Variants in CRACD observed in about 807,000 individuals in gnomAD.
CRACD encodes capping protein-inhibiting regulator of actin dynamics.
CRACD carries 56 observed loss-of-function variants against 106.8 expected under a neutral mutation model. The observed-to-expected ratio is 0.52, with a 90% confidence interval of 0.42 to 0.66. The LOEUF (loss-of-function observed/expected upper bound fraction) is 0.66. Ranked by LOEUF, CRACD falls within the 30% of genes least tolerant of loss-of-function variation. The probability of loss-of-function intolerance (pLI) is 0.00; values close to 1 mark genes in which losing one functional copy is unlikely to be tolerated. For synonymous variants in CRACD, 754 were observed against 670.8 expected (o/e 1.12, Z -1.92); for missense variants, 1,730 against 1,623.2 (o/e 1.07, Z -1.13).
chr4:56,325,180 CA>C (rs1294652116), intron 10 of CRACD, among the ~76,000 whole-genome samples: 1 of 151,914 alleles, frequency 6.6e-6, no homozygotes, highest in Admixed American at 6.6e-5. Flanking sequence ...ACTAAAAATA[CA>C]AAAATTAGCC....
At chr4:56,162,265 G>C (rs949490397) in intron 1 of CRACD, among the ~76,000 whole-genome samples, 1 of 152,012 alleles carries the variant, frequency 6.6e-6, no homozygotes, top group African/African-American at 2.4e-5. Context: ...TACAATCATA[G>C]CTCACTGTAA....
chr4:56,051,165 C>A (rs1345856109), intron 1 of CRACD, among the ~76,000 whole-genome samples: 1 of 152,102 alleles, frequency 6.6e-6, no homozygotes, highest in East Asian at 1.9e-4. Flanking sequence ...TCTGATCTGG[C>A]ACACAGTAGG....
At chr4:56,188,919 C>T (rs183085411) in intron 2 of CRACD, among the ~76,000 whole-genome samples, 2 of 152,214 alleles carry the variant, frequency 1.3e-5, no homozygotes, top group East Asian at 3.9e-4. Context: ...CGCCTGTAAT[C>T]CCAGTACTTC....
chr4:56,298,135 C>A, intron 3 of CRACD, 79 bp from the exon 4 acceptor site: 1 of 1,473,168 alleles, frequency 6.8e-7, no homozygotes. Flanking sequence ...TGGAGTCCCT[C>A]CAATCAGGAA....
At chr4:56,068,004 G>A (rs1732519785) in intron 1 of CRACD, among the ~76,000 whole-genome samples, 1 of 152,112 alleles carries the variant, frequency 6.6e-6, no homozygotes, top group Non-Finnish European at 1.5e-5. Flanking sequence ...CCCTCGTGGA[G>A]CTCACATTCC....
intron 1 of CRACD, among the ~76,000 whole-genome samples, chr4:56,155,649 G>A (rs542167243): frequency 1.3e-5 from 2 of 152,264 alleles, no homozygotes; most frequent in East Asian, 1.9e-4. Context: ...TCAAACCTAC[G>A]CTGTCTAGCT....
chr4:56,322,224 T>C (rs1384600458), intron 8 of CRACD, among the ~76,000 whole-genome samples: 1 of 152,240 alleles, frequency 6.6e-6, no homozygotes, highest in South Asian at 2.1e-4. Flanking sequence ...AGAACTGTTG[T>C]AAATGTTCTG....
intron 1 of CRACD, among the ~76,000 whole-genome samples, chr4:56,104,338 G>C (rs1733874380): frequency 6.6e-6 from 1 of 152,178 alleles, no homozygotes; most frequent in Non-Finnish European, 1.5e-5. Context: ...AGCCTTCAGT[G>C]AGCCATGATT....
chr4:56,283,775 G>C (rs1031935054), intron 3 of CRACD, among the ~76,000 whole-genome samples: 7 of 152,170 alleles, frequency 4.6e-5, no homozygotes, highest in Admixed American at 1.3e-4. Flanking sequence ...TGTACTTCTA[G>C]TACATTTTCT....
In CRACD at chr4:56,313,374, G is replaced by T. The variant is rs1331541501; in HGVS notation, c.532G>T (p.Ala178Ser). ...QRVSKKHRRL[A>S]QDPQHEQGGL... ...GGTGTCAAAGAAGCACAGGCGCCTT[G>T]CCCAGGTGTGTAGAGCCTGCACGGG... Residue 178 changes from alanine (A) to serine (S), a missense_variant, in exon 7 of 11, where the codon GCC (alanine) becomes TCC (serine). By Grantham distance (99) the Ala-to-Ser change is moderately conservative. Transcript: ENST00000682029. 3.1e-6 allele frequency: 5 copies of T among 1,613,168 alleles called. No homozygotes were observed. In the East Asian group the frequency reaches 8.9e-5, roughly 29 times the overall value.
At chr4:56,230,146 A>T (rs1408968670) in intron 2 of CRACD, among the ~76,000 whole-genome samples, 1 of 152,148 alleles carries the variant, frequency 6.6e-6, no homozygotes, top group African/African-American at 2.4e-5. Flanking sequence ...TCTTCAGTAT[A>T]GGTCTTCTTC....
chr4:56,194,943 CTG>C (rs1737536578), intron 2 of CRACD, among the ~76,000 whole-genome samples: 1 of 152,064 alleles, frequency 6.6e-6, no homozygotes, highest in African/African-American at 2.4e-5. Context: ...TATGTGGAGA[CTG>C]TGTTGTCACA....
intron 2 of CRACD, among the ~76,000 whole-genome samples, chr4:56,188,659 T>TCTCTC (rs1553908639): frequency 2.4e-5 from 2 of 83,774 alleles, no homozygotes; most frequent in Non-Finnish European, 4.6e-5. Flanking sequence ...ATCTCTCTAT[T>TCTCTC]TCTCTCTCTC....
chr4:56,100,296 A>G (rs1410422962), intron 1 of CRACD, among the ~76,000 whole-genome samples: 2 of 152,200 alleles, frequency 1.3e-5, no homozygotes, highest in Admixed American at 1.3e-4. Context: ...CAACATCAGA[A>G]AGAATTAATC....
intron 1 of CRACD, among the ~76,000 whole-genome samples, chr4:56,125,764 C>CTTCT (rs1420481544): frequency 6.0e-4 from 44 of 73,298 alleles, no homozygotes; most frequent in Middle Eastern, 0.012. Context: ...CATTCTTCTT[C>CTTCT]TTTTTTTTTT....
At chr4:56,143,663 T>C (rs1735282057) in intron 1 of CRACD, among the ~76,000 whole-genome samples, 1 of 152,210 alleles carries the variant, frequency 6.6e-6, no homozygotes, top group South Asian at 2.1e-4. Context: ...TAAACCCATA[T>C]TGGCCATGAT....
At chr4:56,077,322 TG>T (rs1732874634) in intron 1 of CRACD, among the ~76,000 whole-genome samples, 1 of 152,136 alleles carries the variant, frequency 6.6e-6, no homozygotes, top group Non-Finnish European at 1.5e-5. Flanking sequence ...AAGAACAGCA[TG>T]GGGGAAACCG....
At chr4:56,295,002 T>G (rs1005927722) in intron 3 of CRACD, among the ~76,000 whole-genome samples, 1 of 141,860 alleles carries the variant, frequency 7.0e-6, no homozygotes, top group Non-Finnish European at 1.6e-5. Context: ...CTGAAAAACT[T>G]AAACTACTAG....
intron 2 of CRACD, among the ~76,000 whole-genome samples, chr4:56,194,675 C>A (rs940855750): frequency 6.6e-6 from 1 of 152,190 alleles, no homozygotes; most frequent in Non-Finnish European, 1.5e-5. Flanking sequence ...AGCAAGAAGG[C>A]ACCATCTAAG....
Sources: gnomAD v4.1 joint callset for allele counts (sites outside exome capture counted in the v4.1 genomes callset) on GRCh38, gnomAD v4.1.1 for gene constraint, MANE v1.5 for transcripts, NCBI Gene and HGNC (gene_info 2026-07-23, HGNC 2026-07-21) for gene names.